Variants in RPRD1A observed in about 807,000 individuals in gnomAD.
RPRD1A encodes regulation of nuclear pre-mRNA domain-containing protein 1A.
A neutral mutation model predicts 37.8 loss-of-function variants in RPRD1A; 9 were observed. The ratio of observed to expected loss-of-function variants is 0.24; its 90% confidence interval spans 0.14 to 0.42. The LOEUF (loss-of-function observed/expected upper bound fraction) is 0.42, where lower values mean the gene tolerates loss of function less well. Among genes scored for constraint, RPRD1A ranks in the 10% least tolerant of loss-of-function variants. RPRD1A has a pLI of 1.00. For missense variants in RPRD1A, 255 were observed against 371.0 expected, an observed-to-expected ratio of 0.69 and a Z score of 2.57; for synonymous variants, 138 against 139.7, an observed-to-expected ratio of 0.99 and a Z score of 0.08.
At chr18:36,052,105 T>A (rs1913438277) in intron 1 of RPRD1A, among the ~76,000 whole-genome samples, 1 of 147,552 alleles carries the variant, frequency 6.8e-6, no homozygotes, top group Non-Finnish European at 1.5e-5. Flanking sequence ...CAATTTCTCA[T>A]CAGAAACCAC....
chr18:36,066,983 C>G (rs923073042), intron 1 of RPRD1A, among the ~76,000 whole-genome samples: 1 of 152,222 alleles, frequency 6.6e-6, no homozygotes, highest in Non-Finnish European at 1.5e-5. Flanking sequence ...ATTTCTGGCC[C>G]TAATTGGGTG....
intron 6 of RPRD1A, among the ~76,000 whole-genome samples, chr18:36,003,964 TGGAGAG>T (rs1022406818): frequency 1.4e-5 from 2 of 147,874 alleles, no homozygotes; most frequent in Non-Finnish European, 3.0e-5. Context: ...ACACCACACT[TGGAGAG>T]GGAGAGGGAG....
At chr18:35,999,833 A>C (rs1402732276) in intron 6 of RPRD1A, among the ~76,000 whole-genome samples, 1 of 152,180 alleles carries the variant, frequency 6.6e-6, no homozygotes, top group Non-Finnish European at 1.5e-5. Context: ...GACCTCATTT[A>C]TCTGTAGTAT....
chr18:36,008,291 A>T (rs146685608), intron 6 of RPRD1A, among the ~76,000 whole-genome samples: 1 of 152,010 alleles, frequency 6.6e-6, no homozygotes, highest in East Asian at 1.9e-4. Context: ...TAAAAATTGT[A>T]ATTAGACTGT....
chr18:36,034,517 A>C (rs1912047382), intron 1 of RPRD1A, among the ~76,000 whole-genome samples: 2 of 152,218 alleles, frequency 1.3e-5, no homozygotes, highest in Non-Finnish European at 2.9e-5. Flanking sequence ...TACTGGTTAC[A>C]ATGTTAAATA....
At chr18:36,049,013 T>C (rs1220403748) in intron 1 of RPRD1A, among the ~76,000 whole-genome samples, 2 of 152,172 alleles carry the variant, frequency 1.3e-5, no homozygotes, top group Non-Finnish European at 2.9e-5. Context: ...GTTGTTCTCC[T>C]GCCTCAGCCT....
chr18:36,047,569 G>C (rs878873629), intron 1 of RPRD1A, among the ~76,000 whole-genome samples: 5 of 152,104 alleles, frequency 3.3e-5, no homozygotes, highest in African/African-American at 1.2e-4. Context: ...CAATACAACT[G>C]AAAAGCCTCT....
chr18:36,048,512 A>G (rs28435069), intron 1 of RPRD1A, among the ~76,000 whole-genome samples: 39,601 of 152,114 alleles, frequency 0.26, 5,425 homozygotes, highest in African/African-American at 0.35. Context: ...ACATTAACAG[A>G]CTAAAAAGAA....
At chr18:36,014,729 C>A (rs568922000) in intron 6 of RPRD1A, among the ~76,000 whole-genome samples, 39 of 151,962 alleles carry the variant, frequency 2.6e-4, no homozygotes, top group Admixed American at 7.9e-4. Flanking sequence ...GGCAACAAAG[C>A]GAGACTCCGT....
chr18:36,007,968 C>A (rs562613214), intron 6 of RPRD1A, among the ~76,000 whole-genome samples: 28 of 151,854 alleles, frequency 1.8e-4, no homozygotes, highest in Admixed American at 1.6e-3. Context: ...ACTAAATTTG[C>A]CAGGAGCCAT....
chr18:36,020,737 G>A (rs899087833), intron 6 of RPRD1A, among the ~76,000 whole-genome samples: 3 of 152,096 alleles, frequency 2.0e-5, no homozygotes, highest in Admixed American at 1.3e-4. Context: ...GGCTGAGGCA[G>A]GAGGTGTGTG....
At chr18:36,030,738 G>A (rs886831927) in intron 4 of RPRD1A, 70 bp downstream of exon 4, 84 of 928,686 alleles carry the variant, frequency 9.0e-5, no homozygotes, top group Non-Finnish European at 1.3e-4. Context: ...GAAGTGAAAC[G>A]AAATTAATAA....
intron 4 of RPRD1A, among the ~76,000 whole-genome samples, chr18:36,028,593 C>A (rs1187210064): frequency 6.6e-6 from 1 of 152,148 alleles, no homozygotes; most frequent in African/African-American, 2.4e-5. Context: ...CCTTCACAGT[C>A]CTACATGAGT....
chr18:36,066,867 G>T (rs1002064736), intron 1 of RPRD1A, among the ~76,000 whole-genome samples: 4 of 152,104 alleles, frequency 2.6e-5, no homozygotes, highest in African/African-American at 9.7e-5. Context: ...AATGACGGAA[G>T]TAACTCCCAA....
chr18:36,066,254 C>G (rs1405320124), intron 1 of RPRD1A, among the ~76,000 whole-genome samples: 1 of 152,228 alleles, frequency 6.6e-6, no homozygotes, highest in Non-Finnish European at 1.5e-5. Context: ...CCATTATATA[C>G]AGCCAACATT....
intron 1 of RPRD1A, among the ~76,000 whole-genome samples, chr18:36,037,064 T>G (rs987748482): frequency 1.3e-5 from 2 of 152,230 alleles, no homozygotes; most frequent in Non-Finnish European, 2.9e-5. Context: ...AATCAGGAGT[T>G]TGCAAGTTCC....
At chr18:36,029,807 CTACT>C (rs1199839550) in intron 4 of RPRD1A, among the ~76,000 whole-genome samples, 3 of 151,632 alleles carry the variant, frequency 2.0e-5, no homozygotes, top group Non-Finnish European at 4.4e-5. Context: ...CACTCTAACA[CTACT>C]TTTTTTTTTT....
chr18:36,059,652 A>G (rs983349496), intron 1 of RPRD1A, among the ~76,000 whole-genome samples: 16 of 152,192 alleles, frequency 1.1e-4, no homozygotes, highest in African/African-American at 3.4e-4. Context: ...CTGGTCTAGA[A>G]TAAGAATTTC....
intron 2 of RPRD1A, among the ~76,000 whole-genome samples, chr18:36,033,299 C>CCAAAAA (rs1348356259): frequency 2.8e-4 from 21 of 75,930 alleles, no homozygotes; most frequent in African/African-American, 1.0e-3. Flanking sequence ...GACTCTGTCT[C>CCAAAAA]AAAAAAAAAA....
Sources: allele counts gnomAD v4.1 joint callset (sites outside exome capture counted in the v4.1 genomes callset), GRCh38; gene constraint gnomAD v4.1.1; transcripts MANE v1.5; gene names NCBI Gene and HGNC (gene_info 2026-07-23, HGNC 2026-07-21).